Variants in TNIP1 observed in about 807,000 individuals in gnomAD.
TNIP1 encodes TNFAIP3 interacting protein 1, also known as TNFAIP3-interacting protein 1.
A neutral mutation model predicts 86.6 loss-of-function variants in TNIP1; 22 were observed. That is an observed-to-expected ratio of 0.25 (90% CI 0.18 to 0.36). TNIP1 has a LOEUF of 0.36. Ranked by LOEUF, TNIP1 falls within the 10% of genes least tolerant of loss-of-function variation. The pLI is 1.00. For missense variants in TNIP1, 709 were observed against 820.6 expected (o/e 0.86, Z 1.66); for synonymous variants, 294 against 313.0 (o/e 0.94, Z 0.64).
chr5:151,032,458 T>C, intron 16 of TNIP1, 75 bp from the exon 17 acceptor site: 1 of 1,398,122 alleles, frequency 7.2e-7, no homozygotes, highest in Non-Finnish European at 1.0e-6. Context: ...GCCAGGACAA[T>C]ACTAAATCTG....
At chr5:151,064,799 T>C (rs1291998467) in intron 2 of TNIP1, among the ~76,000 whole-genome samples, 161 bp downstream of exon 2, 2 of 151,978 alleles carry the variant, frequency 1.3e-5, no homozygotes, top group African/African-American at 4.8e-5. Context: ...ACATGGTGCA[T>C]AGAGACAGCT....
intron 1 of TNIP1, among the ~76,000 whole-genome samples, chr5:151,077,839 T>C (rs1183764420): frequency 6.6e-6 from 1 of 152,226 alleles, no homozygotes; most frequent in Non-Finnish European, 1.5e-5. Flanking sequence ...TCAACATTTC[T>C]ATGTCTGGTA....
intron 1 of TNIP1, among the ~76,000 whole-genome samples, chr5:151,066,646 A>G (rs1453671738): frequency 6.6e-6 from 1 of 152,254 alleles, no homozygotes; most frequent in Non-Finnish European, 1.5e-5. Flanking sequence ...TTTCAGATAT[A>G]CAATCTTGGA....
At chr5:151,062,751 A>G (rs1761741568) in intron 3 of TNIP1, among the ~76,000 whole-genome samples, 1 of 152,174 alleles carries the variant, frequency 6.6e-6, no homozygotes, top group African/African-American at 2.4e-5. Context: ...CCTGGCACCA[A>G]TCAGGAACTC....
intron 4 of TNIP1, among the ~76,000 whole-genome samples, chr5:151,061,250 G>A (rs1365033419): frequency 6.6e-6 from 1 of 152,128 alleles, no homozygotes; most frequent in Non-Finnish European, 1.5e-5. Context: ...CAGGATAGAT[G>A]AGAGGAGTCA....
Position 151,063,539 on chromosome 5 carries a change from A to C in TNIP1, c.271+74T>G, listed in dbSNP as rs1761850132. On this transcript the variant is annotated intron_variant, in intron 3 of 17. Transcript: ENST00000521591. The stretch of plus-strand genomic sequence containing the variant: ...AGAGAATGTGGGTTTTGGCATAAGA[A>C]GGGAGTTCACTGTGAAGGATTTGGG... The C allele has an allele frequency of 4.5e-6, 7 of 1,568,954 alleles. No homozygotes were observed. In the East Asian group the frequency reaches 1.6e-4, roughly 36 times the overall value.
chr5:151,045,524 C>T (rs144395247), intron 9 of TNIP1, among the ~76,000 whole-genome samples: 78 of 152,344 alleles, frequency 5.1e-4, no homozygotes, highest in African/African-American at 1.9e-3. Context: ...CACTCCTCAT[C>T]GGTGATGCTA....
At chr5:151,046,089 C>T in intron 8 of TNIP1, 139 bp from the exon 9 acceptor site, 1 of 687,400 alleles carries the variant, frequency 1.5e-6, no homozygotes, top group Non-Finnish European at 2.6e-6. Context: ...CAGGACACCA[C>T]TAACCATCCC....
intron 11 of TNIP1, among the ~76,000 whole-genome samples, chr5:151,041,623 T>C (rs1758424562): frequency 2.0e-5 from 3 of 152,194 alleles, no homozygotes; most frequent in Admixed American, 2.0e-4. Flanking sequence ...CACCTCGGCA[T>C]CCCAAAGTGC....
At chr5:151,085,997 A>G (rs141006887), upstream of TNIP1, among the ~76,000 whole-genome samples, 1,238 of 152,200 alleles carry the variant, frequency 8.1e-3, 16 homozygotes, top group African/African-American at 0.028. Flanking sequence ...AGCCACCGTC[A>G]GACTTGGCCT....
chr5:151,083,291 A>G (rs1764151273), upstream of TNIP1, among the ~76,000 whole-genome samples: 1 of 152,246 alleles, frequency 6.6e-6, no homozygotes, highest in Non-Finnish European at 1.5e-5. Flanking sequence ...ATAAAGCCCA[A>G]GGCTCAGCAC....
At chr5:151,060,479 G>T in intron 4 of TNIP1, 84 bp from the exon 5 acceptor site, 1 of 1,236,474 alleles carries the variant, frequency 8.1e-7, no homozygotes, top group East Asian at 2.4e-5. Flanking sequence ...AGCAGCAAGG[G>T]GGACAAAATC....
intron 9 of TNIP1, among the ~76,000 whole-genome samples, chr5:151,044,649 G>C (rs999889949): frequency 7.2e-5 from 11 of 152,174 alleles, no homozygotes; most frequent in African/African-American, 2.7e-4. Context: ...GCAGGCTCAG[G>C]GTTCTAGAGA....
chr5:151,043,769 C>T (rs1191786137), intron 9 of TNIP1, among the ~76,000 whole-genome samples: 1 of 148,820 alleles, frequency 6.7e-6, no homozygotes, highest in Non-Finnish European at 1.5e-5. Flanking sequence ...AAGTGAGACC[C>T]TATCTTAAAA....
intron 5 of TNIP1, among the ~76,000 whole-genome samples, chr5:151,059,963 G>T (rs1761332678): frequency 6.6e-6 from 1 of 151,994 alleles, no homozygotes; most frequent in African/African-American, 2.4e-5. Context: ...GTCTTACAGG[G>T]CCCTGGGCCT....
intron 3 of TNIP1, among the ~76,000 whole-genome samples, chr5:151,063,172 T>C (rs1197318314): frequency 1.3e-5 from 2 of 152,230 alleles, no homozygotes; most frequent in East Asian, 3.8e-4. Context: ...TCCCTGGGCC[T>C]CAGCTTCCCT....
At chr5:151,082,583 GA>G (rs1444573232), upstream of TNIP1, among the ~76,000 whole-genome samples, 1 of 150,714 alleles carries the variant, frequency 6.6e-6, no homozygotes, top group Non-Finnish European at 1.5e-5. Context: ...TCTACCCACT[GA>G]AAACTAAAAT....
chr5:151,038,175 G>A (rs766306747), intron 12 of TNIP1, among the ~76,000 whole-genome samples: 16 of 152,288 alleles, frequency 1.1e-4, no homozygotes, highest in Admixed American at 9.1e-4. Flanking sequence ...CATAATCAGT[G>A]TTTACAAAAC....
chr5:151,033,888 C>T, intron 15 of TNIP1, 89 bp from the exon 16 acceptor site: 1 of 1,228,728 alleles, frequency 8.1e-7, no homozygotes, highest in Non-Finnish European at 1.1e-6. Flanking sequence ...TGTTAGCTCT[C>T]TGAAGGCTAG....
Sources: gnomAD v4.1 joint callset for allele counts (sites outside exome capture counted in the v4.1 genomes callset) on GRCh38, gnomAD v4.1.1 for gene constraint, MANE v1.5 for transcripts, NCBI Gene and HGNC (gene_info 2026-07-23, HGNC 2026-07-21) for gene names.